The following FRMPD4 variants were observed in gnomAD, a reference collection of about 807,000 sequenced individuals.
FRMPD4 encodes FERM and PDZ domain containing 4, also known as FERM and PDZ domain-containing protein 4.
In FRMPD4, 22 loss-of-function variants were observed where a neutral mutation model predicts 94.1. That is an observed-to-expected ratio of 0.23 (90% CI 0.17 to 0.33). The LOEUF is 0.33. Among genes scored for constraint, FRMPD4 ranks in the 10% least tolerant of loss-of-function variants. The probability of loss-of-function intolerance (pLI) is 1.00; values close to 1 mark genes in which losing one functional copy is unlikely to be tolerated. For missense variants in FRMPD4, 1,111 were observed against 1,339.9 expected (o/e 0.83, Z 2.67); for synonymous variants, 631 against 548.6 (o/e 1.15, Z -2.10).
intron 3 of FRMPD4, among the ~76,000 whole-genome samples, chrX:12,031,813 G>A (rs1028740506): frequency 8.9e-6 from 1 of 112,047 alleles, no homozygotes; most frequent in Admixed American, 9.5e-5. Flanking sequence ...GGGCCAGAAT[G>A]GAGTCAGAGG....
intron 1 of FRMPD4, among the ~76,000 whole-genome samples, chrX:12,173,890 T>C (rs951330712): frequency 9.0e-6 from 1 of 111,145 alleles, no homozygotes; most frequent in African/African-American, 3.3e-5. Flanking sequence ...CCCCGGAAGA[T>C]AGCTGCTACC....
chrX:11,982,652 G>C (rs532587704), intron 3 of FRMPD4, among the ~76,000 whole-genome samples: 1 of 110,926 alleles, frequency 9.0e-6, no homozygotes, highest in South Asian at 3.7e-4. Flanking sequence ...ATGTCTTTCA[G>C]CTCAACAGTT....
chrX:12,056,361 G>T (rs959797941), intron 3 of FRMPD4, among the ~76,000 whole-genome samples: 8 of 111,990 alleles, frequency 7.1e-5, no homozygotes, highest in African/African-American at 2.6e-4. Flanking sequence ...TACTATAGGG[G>T]CCCTCTCTGA....
intron 1 of FRMPD4, among the ~76,000 whole-genome samples, chrX:12,215,144 G>A (rs994497792): frequency 9.0e-6 from 1 of 111,702 alleles, no homozygotes; most frequent in Non-Finnish European, 1.9e-5. Context: ...TAGTGAGTCG[G>A]TGTGAGACTT....
intron 3 of FRMPD4, among the ~76,000 whole-genome samples, chrX:12,131,981 G>A (rs1238590749): frequency 8.9e-6 from 1 of 111,983 alleles, no homozygotes; most frequent in African/African-American, 3.2e-5. Flanking sequence ...CAACTTCTCT[G>A]GCTTTCCAAC....
intron 5 of FRMPD4, among the ~76,000 whole-genome samples, chrX:12,679,312 T>G (rs1048270683): frequency 2.7e-5 from 3 of 111,819 alleles, no homozygotes; most frequent in African/African-American, 9.8e-5. Context: ...AAAGAAGTTT[T>G]TTTTATACTC....
At position 11,966,522 on chromosome X, in the gene FRMPD4, TATC is replaced by T. The variant is rs369305902; in HGVS notation, c.95+88531_95+88533del. On this transcript the variant is annotated intron_variant, in intron 3 of 18. Transcript: ENST00000640291. ...GTATTTTATTATAGCAGCCCAGATTTATCATCATCATCATCATCATCATCATCA... is the reference window on the plus strand; with the variant it reads ...GTATTTTATTATAGCAGCCCAGATTTATCATCATCATCATCATCATCATCA... Among the ~76,000 whole-genome samples the T allele has an allele frequency of 9.7e-3, 1,068 of 109,704 alleles. 4 individuals carry two copies. Among genetic ancestry groups the T allele is most frequent in the Non-Finnish European group, 0.011 (569 of 52,475 alleles).
chrX:11,864,718 G>GA (rs771189017), intron 1 of FRMPD4, among the ~76,000 whole-genome samples: 37 of 110,713 alleles, frequency 3.3e-4, no homozygotes, highest in African/African-American at 1.0e-3. Context: ...TTCCAAAATT[G>GA]AAAAAAAATT....
intron 1 of FRMPD4, among the ~76,000 whole-genome samples, chrX:12,192,894 G>A (rs1338768960): frequency 1.8e-5 from 2 of 111,830 alleles, no homozygotes; most frequent in African/African-American, 6.5e-5. Flanking sequence ...GTAGACAACA[G>A]GAAGAATTAG....
intron 5 of FRMPD4, among the ~76,000 whole-genome samples, chrX:12,680,358 C>G (rs1181921643): frequency 2.7e-5 from 3 of 112,298 alleles, no homozygotes; most frequent in Non-Finnish European, 1.9e-5. Flanking sequence ...ATTAATTCAG[C>G]AGGCTTTCAA....
intron 3 of FRMPD4, among the ~76,000 whole-genome samples, chrX:11,896,545 C>A (rs1470064624): frequency 2.7e-5 from 3 of 111,990 alleles, no homozygotes; most frequent in Admixed American, 9.5e-5. Context: ...AGAAAGCAGG[C>A]CTTCATTAGA....
chrX:12,321,905 T>C (rs762601832), intron 1 of FRMPD4, among the ~76,000 whole-genome samples: 2 of 112,078 alleles, frequency 1.8e-5, no homozygotes, highest in South Asian at 7.5e-4. Context: ...ATTGACACCA[T>C]CTGTTACTCA....
intron 1 of FRMPD4, among the ~76,000 whole-genome samples, chrX:12,427,324 T>C (rs1374043494): frequency 9.0e-6 from 1 of 111,237 alleles, no homozygotes; most frequent in Non-Finnish European, 1.9e-5. Flanking sequence ...AAAAACAGTC[T>C]ACCAATCAGA....
At chrX:12,317,862 A>G (rs893176748) in intron 1 of FRMPD4, among the ~76,000 whole-genome samples, 6 of 112,140 alleles carry the variant, frequency 5.4e-5, no homozygotes, top group African/African-American at 1.9e-4. Flanking sequence ...TGTTGGTGGG[A>G]ATGTACGGTC....
At chrX:12,508,776 G>A (rs1372735172) in intron 2 of FRMPD4, among the ~76,000 whole-genome samples, 1 of 110,364 alleles carries the variant, frequency 9.1e-6, no homozygotes, top group Non-Finnish European at 1.9e-5. Flanking sequence ...GGCAGATCAT[G>A]AGGTCAGGGG....
chrX:12,488,226 A>G (rs2057757882), intron 1 of FRMPD4, among the ~76,000 whole-genome samples: 1 of 112,194 alleles, frequency 8.9e-6, no homozygotes, highest in South Asian at 3.7e-4. Flanking sequence ...GATAGAAAAT[A>G]GGCACTTTAG....
intron 1 of FRMPD4, among the ~76,000 whole-genome samples, chrX:12,339,803 G>A (rs1045551609): frequency 8.1e-5 from 9 of 111,201 alleles, no homozygotes; most frequent in South Asian, 3.8e-4. Context: ...TTTTAGTAGA[G>A]ACAGGGTTTC....
chrX:12,141,086 T>C (rs1403562544), intron 1 of FRMPD4, among the ~76,000 whole-genome samples: 3 of 112,291 alleles, frequency 2.7e-5, no homozygotes, highest in African/African-American at 9.7e-5. Context: ...CAGTTGCTTG[T>C]TTCTGCCTTG....
chrX:12,450,507 CAT>C lies in FRMPD4; in HGVS notation c.42-48170_42-48169del, dbSNP rs1467683813. Reference sequence around the variant, plus strand: ...GGATTGAGACAGAAATAAGGAAAGACATATGATTTCTCAGCATAAAGCAAATT... The same window carrying C: ...GGATTGAGACAGAAATAAGGAAAGACATGATTTCTCAGCATAAAGCAAATT... On this transcript the variant is annotated intron_variant, in intron 1 of 16. Coordinates refer to ENST00000675598, the MANE Select transcript of FRMPD4 (RefSeq NM_001368397.1). Among the ~76,000 whole-genome samples the C allele has an allele frequency of 3.6e-5, 4 of 111,710 alleles. No homozygotes were observed. In the South Asian group the frequency reaches 1.1e-3, roughly 31 times the overall value.
Sources: gnomAD v4.1 joint callset for allele counts (sites outside exome capture counted in the v4.1 genomes callset) on GRCh38, gnomAD v4.1.1 for gene constraint, MANE v1.5 for transcripts, NCBI Gene and HGNC (gene_info 2026-07-23, HGNC 2026-07-21) for gene names.